The following ZC3H18 variants were observed in gnomAD, a reference collection of about 807,000 sequenced individuals.
ZC3H18 encodes the protein zinc finger CCCH domain-containing protein 18.
A neutral mutation model predicts 106.1 loss-of-function variants in ZC3H18; 8 were observed. The observed-to-expected ratio is 0.08, with a 90% CI of 0.04 to 0.14. ZC3H18 has a LOEUF of 0.14. Ranked by LOEUF, ZC3H18 falls within the 10% of genes least tolerant of loss-of-function variation. The pLI is 1.00. For missense variants in ZC3H18, 1,318 were observed against 1,278.4 expected (o/e 1.03, Z -0.47); for synonymous variants, 635 against 522.1 (o/e 1.22, Z -2.95).
At chr16:88,589,794 C>T (rs926262808) in intron 3 of ZC3H18, among the ~76,000 whole-genome samples, 2 of 152,132 alleles carry the variant, frequency 1.3e-5, no homozygotes, top group Non-Finnish European at 2.9e-5. Flanking sequence ...TTCCTCGTTG[C>T]CTGGACTGGG....
At chr16:88,588,252 A>G (rs1346371676) in intron 3 of ZC3H18, among the ~76,000 whole-genome samples, 1 of 152,218 alleles carries the variant, frequency 6.6e-6, no homozygotes. Context: ...GTACACATGT[A>G]CGTGTACACA....
In ZC3H18 at chr16:88,627,417, A is replaced by AT. The variant is rs5818679; in HGVS notation, c.2109-203dup. 35,792 of 563,346 alleles carry AT rather than the reference A, an allele frequency of 0.064. 1,399 individuals are homozygous for AT. The highest frequency in any genetic ancestry group is 0.081 in the Middle Eastern group (166 of 2,048). 34.9% of individuals were successfully genotyped at this position (563,346 alleles called of 1,614,324 possible). A position where few individuals can be genotyped will look rare whatever the true frequency, so the allele number is the denominator to read the frequency against. ...CGTGCCTGGCTGCAACCTGACATTG[A>AT]TTAGTGAAATGGGGCCCTGGCCTAG... On this transcript the variant is annotated intron_variant, in intron 13 of 17. Transcript: ENST00000301011. The surrounding 1 kb of genome is among the most constrained non-coding windows in gnomAD (Gnocchi z 4.5).
chr16:88,590,425 A>C, intron 3 of ZC3H18, among the ~76,000 whole-genome samples: 1 of 152,160 alleles, frequency 6.6e-6, no homozygotes, highest in South Asian at 2.1e-4. Flanking sequence ...CACATACACT[A>C]CAACTGGAGC....
chr16:88,627,755 G>A lies in ZC3H18; in HGVS notation c.2242G>A (p.Ala748Thr), dbSNP rs770900384. 4 of 1,612,604 alleles carry A rather than the reference G, an allele frequency of 2.5e-6. No individual in the cohort carries two copies. The highest frequency in any genetic ancestry group is 3.3e-5 in the Admixed American group (2 of 59,994). The part of the protein sequence containing the change: ...PVSSASSRSP[A>T]PAQTRKEKGK... ...GTCCTCAGCCAGCTCTCGGTCCCCGGCCCCAGCCCAGACCAGGAAGGAGAA... is the reference window on the plus strand; with the variant it reads ...GTCCTCAGCCAGCTCTCGGTCCCCGACCCCAGCCCAGACCAGGAAGGAGAA... Residue 748 changes from alanine to threonine, a missense_variant, in exon 14 of 18, where the codon GCC becomes ACC. Physicochemically the swap from Ala to Thr is moderately conservative, Grantham distance 58. Transcript: ENST00000301011. The surrounding 1 kb of genome is among the most constrained non-coding windows in gnomAD (Gnocchi z 4.5).
At chr16:88,617,254 C>T (rs373897939) in intron 8 of ZC3H18, among the ~76,000 whole-genome samples, 2 of 146,614 alleles carry the variant, frequency 1.4e-5, no homozygotes, top group Non-Finnish European at 3.0e-5. Flanking sequence ...TCATCCCCAT[C>T]GGTATCTCTG....
chr16:88,616,289 G>A (rs1018904421), intron 8 of ZC3H18, among the ~76,000 whole-genome samples: 11 of 152,232 alleles, frequency 7.2e-5, no homozygotes, highest in South Asian at 2.1e-4. Flanking sequence ...GGGCCGAGCC[G>A]CTCTTCCCAC....
At chr16:88,579,072 G>C (rs938703212) in intron 2 of ZC3H18, among the ~76,000 whole-genome samples, 5 of 152,198 alleles carry the variant, frequency 3.3e-5, no homozygotes, top group Admixed American at 2.6e-4. Flanking sequence ...GCTGCTCTCT[G>C]TGGCACTGCT....
intron 7 of ZC3H18, among the ~76,000 whole-genome samples, chr16:88,610,289 C>T (rs529504119): frequency 6.6e-6 from 1 of 152,256 alleles, no homozygotes; most frequent in East Asian, 1.9e-4. Flanking sequence ...ACTGCAGGGA[C>T]AGTCATGAGC....
At chr16:88,610,184 A>G (rs2077171549) in intron 7 of ZC3H18, among the ~76,000 whole-genome samples, 1 of 152,232 alleles carries the variant, frequency 6.6e-6, no homozygotes, top group African/African-American at 2.4e-5. Flanking sequence ...TATGTGCTTC[A>G]GACTGTGAGT....
At chr16:88,580,910 A>ACT (rs1432903391) in intron 2 of ZC3H18, among the ~76,000 whole-genome samples, 2 of 151,766 alleles carry the variant, frequency 1.3e-5, no homozygotes, top group African/African-American at 4.8e-5. Context: ...TGGAAGAATT[A>ACT]CTCTCTTTGG....
chr16:88,577,170 A>T lies in ZC3H18; in HGVS notation c.47A>T (p.Asp16Val), dbSNP rs771769910. 6.2e-6 allele frequency: 10 copies of T among 1,602,664 alleles called. No homozygotes were observed. In the East Asian group the frequency reaches 8.9e-5, roughly 14 times the overall value. The change falls in exon 2 of 18, where the codon GAT becomes GTT. Residue 16 changes from aspartate (D) to valine (V), a missense_variant. Asp to Val is a radical substitution (Grantham distance 152, BLOSUM62 -3). Around this residue, in one of 6 missense-constraint regions of ZC3H18, gnomAD observed 346 missense variants for 269.0 expected, o/e 1.29. Transcript: ENST00000301011. ...SPERDPHSPE[D>V]EEQPQGLSDD... ...GAACGGGATCCTCACTCTCCAGAGG[A>T]TGAAGAGCAGCCACAGGGACTCTCG...
intron 6 of ZC3H18, among the ~76,000 whole-genome samples, chr16:88,602,785 A>T (rs530038961): frequency 6.6e-6 from 1 of 152,180 alleles, no homozygotes; most frequent in Non-Finnish European, 1.5e-5. Context: ...GTTGCTGGGA[A>T]TATAGACGTT....
chr16:88,608,552 G>A (rs1173858620), intron 6 of ZC3H18: 1 of 155,586 alleles, frequency 6.4e-6, no homozygotes, highest in Non-Finnish European at 1.4e-5. Flanking sequence ...TAGTAGAGAA[G>A]GGGTTTCTCC....
At chr16:88,583,556 GC>G (rs1915263593) in intron 2 of ZC3H18, among the ~76,000 whole-genome samples, 1 of 152,222 alleles carries the variant, frequency 6.6e-6, no homozygotes. Context: ...TTGAACCTGG[GC>G]CTTTTCCCCC....
intron 9 of ZC3H18, 186 bp from the exon 10 acceptor site, chr16:88,623,033 T>C (rs1167576095): frequency 1.3e-5 from 10 of 775,192 alleles, no homozygotes; most frequent in South Asian, 1.8e-5. Flanking sequence ...GGGATGGCAC[T>C]GAAGAGTGTC....
chr16:88,610,224 C>T (rs576323080), intron 7 of ZC3H18, among the ~76,000 whole-genome samples: 6 of 152,238 alleles, frequency 3.9e-5, no homozygotes, highest in Admixed American at 6.5e-5. Context: ...GGTGATTTGA[C>T]GAAGTTGCCC....
chr16:88,631,302 CGT>C lies in ZC3H18; in HGVS notation c.*5_*6del. 1.9e-6 allele frequency: 3 copies of C among 1,573,302 alleles called. No homozygotes were observed. The highest frequency in any genetic ancestry group is 8.6e-7 in the Non-Finnish European group (1 of 1,159,328). On this transcript the variant is annotated 3_prime_UTR_variant, in exon 18 of 18. Transcript: ENST00000301011. ...CCAAGATCCCCGGGAAAGCATAGGC[CGT>C]GCCCCGACCGGACTGGACGCATTTT...
At chr16:88,604,351 C>CA (rs34989965) in intron 6 of ZC3H18, among the ~76,000 whole-genome samples, 42 of 133,750 alleles carry the variant, frequency 3.1e-4, no homozygotes, top group Middle Eastern at 3.9e-3. Context: ...ACTCTTTCTC[C>CA]AAAAAAAAAA....
chr16:88,623,711 A>G, intron 10 of ZC3H18: 2 of 619,052 alleles, frequency 3.2e-6, no homozygotes, highest in Non-Finnish European at 5.3e-6. Flanking sequence ...TGTCCTGCAC[A>G]CACATGAACG....
Sources: allele counts gnomAD v4.1 joint callset (sites outside exome capture counted in the v4.1 genomes callset), GRCh38; gene constraint gnomAD v4.1.1; regional missense constraint gnomAD v4.1.1; non-coding constraint Gnocchi (gnomAD v3.1); transcripts MANE v1.5; gene names NCBI Gene and HGNC (gene_info 2026-07-23, HGNC 2026-07-21).